NXPE4: variants seen among roughly 807,000 people sequenced by gnomAD.
NXPE4 encodes the protein NXPE family member 4.
Under a neutral mutation model 33.3 loss-of-function variants are expected in NXPE4, and 42 were observed. That is an observed-to-expected ratio of 1.26 (90% CI 0.98 to 1.63). The LOEUF is 1.63. Among genes scored for constraint, NXPE4 ranks in the 40% most tolerant of loss-of-function variants. The pLI, the probability that NXPE4 is intolerant of heterozygous loss-of-function variation, is 0.00. For missense variants in NXPE4, 709 were observed against 647.6 expected (o/e 1.09, Z -1.03); for synonymous variants, 253 against 234.9 (o/e 1.08, Z -0.71).
the NXPE4 span, among the ~76,000 whole-genome samples, chr11:114,661,731 G>C: frequency 1.5e-4 from 23 of 152,326 alleles, no homozygotes; most frequent in Admixed American, 1.4e-3. Flanking sequence ...GGCCACTGGT[G>C]ACTTGTCCTT....
the NXPE4 span, among the ~76,000 whole-genome samples, chr11:114,639,830 A>ATTATATT: frequency 1.1e-5 from 1 of 87,124 alleles, no homozygotes; most frequent in African/African-American, 4.2e-5. Flanking sequence ...TATAATATAT[A>ATTATATT]TTATATTAAA....
chr11:114,661,518 T>G, the NXPE4 span, among the ~76,000 whole-genome samples: 1 of 152,326 alleles, frequency 6.6e-6, no homozygotes, highest in African/African-American at 2.4e-5. Context: ...CTGATGGACT[T>G]CAAAAGTACT....
At chr11:114,625,757 G>C in the NXPE4 span, among the ~76,000 whole-genome samples, 2 of 152,260 alleles carry the variant, frequency 1.3e-5, no homozygotes, top group South Asian at 2.1e-4. Context: ...ATTTCCATCT[G>C]AGGTACCAGG....
the NXPE4 span, among the ~76,000 whole-genome samples, chr11:114,606,683 CACCACTGTT>C: frequency 6.7e-6 from 1 of 148,666 alleles, no homozygotes; most frequent in Non-Finnish European, 1.5e-5. Flanking sequence ...CATCATGGGT[CACCACTGTT>C]ACCCGGAGGG....
the NXPE4 span, among the ~76,000 whole-genome samples, chr11:114,608,228 G>T: frequency 2.0e-5 from 3 of 151,294 alleles, no homozygotes; most frequent in Non-Finnish European, 4.4e-5. Flanking sequence ...TGCCTCATGG[G>T]TAACAACTGT....
chr11:114,647,710 T>A, the NXPE4 span, among the ~76,000 whole-genome samples: 91,816 of 149,408 alleles, frequency 0.61, 29,070 homozygotes, highest in East Asian at 0.95. Context: ...ATTTTATTTT[T>A]TTTTTTTTTG....
At position 114,581,706 on chromosome 11, in the gene NXPE4, C is replaced by G. The variant is rs1949150460; in HGVS notation, c.892+19G>C. On this transcript the variant is annotated intron_variant, in intron 4 of 5. Coordinates refer to ENST00000375478, the MANE Select transcript of NXPE4 (RefSeq NM_001077639.2). The stretch of plus-strand genomic sequence containing the variant: ...GGGTCTAGAACTAGGCACCACCCAC[C>G]AAACACAGGAGTACTTACTGTTGCA... 6.2e-7 allele frequency: 1 copy of G among 1,601,130 alleles called. No homozygotes were observed. The highest frequency in any genetic ancestry group is 8.6e-7 in the Non-Finnish European group (1 of 1,169,516).
the NXPE4 span, among the ~76,000 whole-genome samples, chr11:114,632,950 T>C: frequency 9.8e-6 from 1 of 101,668 alleles, no homozygotes; most frequent in African/African-American, 4.1e-5. Flanking sequence ...TATTATATGA[T>C]ATTTTATATA....
At chr11:114,571,500 T>A (rs1393082120) in intron 5 of NXPE4, 27 bp from the exon 6 acceptor site, 1 of 1,556,468 alleles carries the variant, frequency 6.4e-7, no homozygotes, top group East Asian at 2.3e-5. Context: ...AATCCCAAAA[T>A]AAAAGGAGGA....
the NXPE4 span, among the ~76,000 whole-genome samples, chr11:114,634,663 G>T: frequency 6.6e-6 from 1 of 152,000 alleles, no homozygotes; most frequent in African/African-American, 2.4e-5. Context: ...AAGGGATCCA[G>T]TTTCAGCTTT....
chr11:114,625,683 G>A, the NXPE4 span, among the ~76,000 whole-genome samples: 5 of 152,150 alleles, frequency 3.3e-5, no homozygotes, highest in Admixed American at 1.3e-4. Context: ...CAAGATGGCC[G>A]AGTAGGAACA....
the NXPE4 span, among the ~76,000 whole-genome samples, chr11:114,609,864 A>ATT: frequency 3.3e-5 from 5 of 151,744 alleles, no homozygotes; most frequent in African/African-American, 1.2e-4. Context: ...CCTCGCGGGT[A>ATT]ACCACTCTTA....
At chr11:114,650,244 G>C in the NXPE4 span, among the ~76,000 whole-genome samples, 12 of 152,138 alleles carry the variant, frequency 7.9e-5, 1 homozygote, top group Non-Finnish European at 2.9e-5. Context: ...AAAGAGGAGA[G>C]AGCATATAAA....
chr11:114,582,203 A>G, intron 3 of NXPE4, 85 bp downstream of exon 3: 4 of 1,411,254 alleles, frequency 2.8e-6, no homozygotes, highest in Non-Finnish European at 2.8e-6. Flanking sequence ...CAAAATTAAT[A>G]CACTCACAAG....
chr11:114,582,540 C>T lies in NXPE4; in HGVS notation c.578G>A (p.Ser193Asn), dbSNP rs1372432485. Residue 193 changes from serine (S) to asparagine (N), a missense_variant, in exon 3 of 6, where the codon AGT becomes AAT. By Grantham distance (46) the Ser-to-Asn change is conservative. Coordinates refer to ENST00000375478, the MANE Select transcript of NXPE4 (RefSeq NM_001077639.2). ...CCTGTCATAGCCTTGGTTCCTTGCA[C>T]TCCAGAGAGCTGACACCCCTTCACT... ...HPSEGVSALW[S>N]ARNQGYDRVI... 3.1e-6 allele frequency: 5 copies of T among 1,614,066 alleles called. No homozygotes were observed. In the Admixed American group the frequency reaches 8.3e-5, roughly 27 times the overall value.
chr11:114,603,440 G>C, the NXPE4 span, among the ~76,000 whole-genome samples: 3 of 150,172 alleles, frequency 2.0e-5, no homozygotes, highest in African/African-American at 7.4e-5. Flanking sequence ...CGTCTCCTAG[G>C]TAAATTCCAT....
At chr11:114,583,824 GC>G (rs1949214277) in intron 2 of NXPE4, 1 of 421,828 alleles carries the variant, frequency 2.4e-6, no homozygotes, top group South Asian at 1.9e-5. Flanking sequence ...TATATTACAG[GC>G]TAGGCCAGGA....
chr11:114,638,278 C>G, the NXPE4 span, among the ~76,000 whole-genome samples: 1 of 152,080 alleles, frequency 6.6e-6, no homozygotes, highest in Non-Finnish European at 1.5e-5. Context: ...CTTCTGCATT[C>G]TTCATGTAGT....
At chr11:114,663,251 G>A in the NXPE4 span, among the ~76,000 whole-genome samples, 1 of 152,248 alleles carries the variant, frequency 6.6e-6, no homozygotes, top group East Asian at 1.9e-4. Context: ...TGTGTCTTGT[G>A]GTTTCAGTGC....
Sources: gnomAD v4.1 joint callset for allele counts (sites outside exome capture counted in the v4.1 genomes callset) on GRCh38, gnomAD v4.1.1 for gene constraint, MANE v1.5 for transcripts, NCBI Gene and HGNC (gene_info 2026-07-23, HGNC 2026-07-21) for gene names.